SNX31: variants seen among roughly 807,000 people sequenced by gnomAD.
SNX31 encodes the protein sorting nexin-31.
Under a neutral mutation model 65.4 loss-of-function variants are expected in SNX31, and 58 were observed. The ratio of observed to expected loss-of-function variants is 0.89; its 90% CI spans 0.72 to 1.10. SNX31 has a LOEUF of 1.10. Among genes scored for constraint, SNX31 ranks in the 50% least tolerant of loss-of-function variants. The pLI is 0.00. For missense variants in SNX31, 523 were observed against 529.7 expected, an observed-to-expected ratio of 0.99 and a Z score of 0.12; for synonymous variants, 181 against 190.1, an observed-to-expected ratio of 0.95 and a Z score of 0.39.
At chr8:100,628,748 A>C (rs1172758605) in intron 4 of SNX31, among the ~76,000 whole-genome samples, 4 of 152,030 alleles carry the variant, frequency 2.6e-5, no homozygotes, top group Non-Finnish European at 5.9e-5. Context: ...AATAATAATA[A>C]AATTTTTTTA....
Position 100,594,625 on chromosome 8 carries a change from T to TA in SNX31, c.978+2013dup, listed in dbSNP as rs901584141. Among the ~76,000 whole-genome samples the TA allele has an allele frequency of 6.6e-6, 1 of 151,866 alleles. No homozygotes were observed. Among genetic ancestry groups the TA allele is most frequent in the South Asian group, 2.1e-4 (1 of 4,804 alleles). ...TACACATATATTAGAATGACTACAA[T>TA]AAAAAAAATAGTGACAACACCAAAT... On this transcript the variant is annotated intron_variant, in intron 10 of 13. Transcript: ENST00000311812. The surrounding 1 kb of genome is among the most constrained non-coding windows in gnomAD (Gnocchi z 4.0).
chr8:100,654,858 C>G (rs912429267), intron 1 of SNX31, among the ~76,000 whole-genome samples: 1 of 152,080 alleles, frequency 6.6e-6, no homozygotes, highest in Non-Finnish European at 1.5e-5. Flanking sequence ...GCTAAAACTA[C>G]AAAAATTAGC....
chr8:100,608,880 C>T (rs1347231691), intron 7 of SNX31, among the ~76,000 whole-genome samples: 1 of 152,128 alleles, frequency 6.6e-6, no homozygotes, highest in Non-Finnish European at 1.5e-5. Context: ...CTTTCTCCAC[C>T]GCACAATACC....
chr8:100,628,887 A>C (rs1818239321), intron 4 of SNX31, among the ~76,000 whole-genome samples: 1 of 151,482 alleles, frequency 6.6e-6, no homozygotes, highest in South Asian at 2.1e-4. Flanking sequence ...GTCAACAGCA[A>C]ACTGCACATA....
In SNX31 at chr8:100,629,975, A is replaced by G. The variant is rs1309216961; in HGVS notation, c.321+352T>C. The stretch of plus-strand genomic sequence containing the variant: ...CAGCTACAGAAGCAGGGTCACAGAC[A>G]TGTTATGGGAACCCTTAATGATAAA... On this transcript the variant is annotated intron_variant, in intron 4 of 13. Transcript: ENST00000311812. This position sits in a 1 kb window ranked among gnomAD's most constrained non-coding sequence, Gnocchi z 5.1. 2.0e-5 allele frequency among the ~76,000 whole-genome samples: 3 copies of G among 152,246 alleles called. No individual in the cohort carries two copies. The highest frequency in any genetic ancestry group is 4.8e-5 in the African/African-American group (2 of 41,468).
At chr8:100,591,043 G>A (rs1417420827) in intron 10 of SNX31, among the ~76,000 whole-genome samples, 1 of 152,164 alleles carries the variant, frequency 6.6e-6, no homozygotes, top group Non-Finnish European at 1.5e-5. Context: ...GGAATTTGTG[G>A]TGCAGAATAT....
chr8:100,657,765 G>A (rs1336952026), intron 1 of SNX31: 1 of 455,964 alleles, frequency 2.2e-6, no homozygotes, highest in Non-Finnish European at 4.4e-6. Flanking sequence ...GGACTACTTG[G>A]GAGGCTGAGG....
intron 12 of SNX31, among the ~76,000 whole-genome samples, chr8:100,577,770 A>C (rs1192913511): frequency 1.3e-5 from 2 of 152,084 alleles, no homozygotes; most frequent in Admixed American, 1.3e-4. Context: ...TATAAGGAGG[A>C]GAGATTGCCT....
In SNX31 at chr8:100,612,326, G is replaced by A. The variant is rs1816784835; in HGVS notation, c.524-239C>T. The stretch of plus-strand genomic sequence containing the variant: ...GGGTGTTTTACACTGTGATATAGAT[G>A]AAAAAATAGATCCGGAGACATCCAG... On this transcript the variant is annotated intron_variant, in intron 6 of 13. Transcript: ENST00000311812. This position sits in a 1 kb window ranked among gnomAD's most constrained non-coding sequence, Gnocchi z 4.3. Among the ~76,000 whole-genome samples, 1 of 151,906 alleles carries A rather than the reference G, an allele frequency of 6.6e-6. No homozygotes were observed. Among genetic ancestry groups the A allele is most frequent in the African/African-American group, 2.4e-5 (1 of 41,360 alleles).
intron 11 of SNX31, among the ~76,000 whole-genome samples, chr8:100,587,240 C>A (rs573963163): frequency 6.6e-6 from 1 of 152,122 alleles, no homozygotes; most frequent in Non-Finnish European, 1.5e-5. Context: ...AAGTCTACTG[C>A]GGGGTTTCTG....
chr8:100,608,881 G>A (rs1279491620), intron 7 of SNX31, among the ~76,000 whole-genome samples: 1 of 151,890 alleles, frequency 6.6e-6, no homozygotes, highest in African/African-American at 2.4e-5. Context: ...TTTCTCCACC[G>A]CACAATACCT....
chr8:100,628,256 T>C (rs1441630183), intron 4 of SNX31, among the ~76,000 whole-genome samples: 7 of 152,136 alleles, frequency 4.6e-5, no homozygotes, highest in Admixed American at 6.6e-5. Context: ...ACCCAAAGGA[T>C]TATAAATCAT....
chr8:100,586,637 C>T (rs979758238), intron 11 of SNX31, among the ~76,000 whole-genome samples: 24 of 152,192 alleles, frequency 1.6e-4, no homozygotes, highest in African/African-American at 5.5e-4. Context: ...ACTATTTCCC[C>T]AAAGATGTTT....
At position 100,596,744 on chromosome 8, in the gene SNX31, A is replaced by G; in HGVS notation, c.873T>C (p.Ser291=). 6.2e-7 allele frequency: 1 copy of G among 1,614,204 alleles called. No homozygotes were observed. The highest frequency in any genetic ancestry group is 1.1e-5 in the South Asian group (1 of 91,086). ...AGCAGCTGATCTCATTATTGCCAAC[A>G]GAAAGAACAGCTCCAGAGCCTGATT... is the stretch of plus-strand genomic sequence containing the variant. The part of the protein sequence containing the change: ...YPESGSGAVL[S]VGNNEISCCI... The change falls in exon 10 of 14, where the codon TCT becomes TCC. Residue 291 remains serine, a synonymous_variant. Coordinates refer to ENST00000311812, the MANE Select transcript of SNX31 (RefSeq NM_152628.4).
At chr8:100,615,766 G>A (rs1817118537) in intron 5 of SNX31, among the ~76,000 whole-genome samples, 1 of 151,954 alleles carries the variant, frequency 6.6e-6, no homozygotes, top group Non-Finnish European at 1.5e-5. Flanking sequence ...CATATCTATT[G>A]TTATTATTAT....
chr8:100,617,481 A>T, intron 5 of SNX31, 139 bp downstream of exon 5: 1 of 560,814 alleles, frequency 1.8e-6, no homozygotes, highest in Non-Finnish European at 3.1e-6. Context: ...AGCAAATGCC[A>T]GTACCTCTGC....
At position 100,594,201 on chromosome 8, in the gene SNX31, G is replaced by A. The variant is rs1339155226; in HGVS notation, c.978+2438C>T. Among the ~76,000 whole-genome samples the A allele has an allele frequency of 6.6e-6, 1 of 152,162 alleles. No individual in the cohort carries two copies. The highest frequency in any genetic ancestry group is 6.5e-5 in the Admixed American group (1 of 15,280). Reference sequence around the variant, plus strand: ...TGCCTGTAATCCCAGCTACTTGGGAGGCTGAGGCAGGAGAATCCCTTGAAC... The same window carrying A: ...TGCCTGTAATCCCAGCTACTTGGGAAGCTGAGGCAGGAGAATCCCTTGAAC... On this transcript the variant is annotated intron_variant, in intron 10 of 13. Coordinates refer to ENST00000311812, the MANE Select transcript of SNX31 (RefSeq NM_152628.4). This position sits in a 1 kb window ranked among gnomAD's most constrained non-coding sequence, Gnocchi z 4.0.
intron 9 of SNX31, among the ~76,000 whole-genome samples, chr8:100,598,901 T>G (rs1656491020): frequency 6.6e-6 from 1 of 152,234 alleles, no homozygotes; most frequent in African/African-American, 2.4e-5. Flanking sequence ...CCAATAAAAC[T>G]TTATTTGCAA....
At chr8:100,637,123 A>G (rs1329532791) in intron 2 of SNX31, among the ~76,000 whole-genome samples, 1 of 152,180 alleles carries the variant, frequency 6.6e-6, no homozygotes, top group Non-Finnish European at 1.5e-5. Context: ...CTTCTCTCCC[A>G]CTTACTCATA....
Sources: gnomAD v4.1 joint callset for allele counts (sites outside exome capture counted in the v4.1 genomes callset) on GRCh38, gnomAD v4.1.1 for gene constraint, Gnocchi (gnomAD v3.1) non-coding constraint, MANE v1.5 for transcripts, NCBI Gene and HGNC (gene_info 2026-07-23, HGNC 2026-07-21) for gene names.